The following THSD7B variants were observed in gnomAD, a reference collection of about 807,000 sequenced individuals.
THSD7B encodes thrombospondin type 1 domain containing 7B.
In THSD7B, 138 loss-of-function variants were observed where a neutral mutation model predicts 213.6. The observed-to-expected ratio is 0.65, with a 90% CI of 0.56 to 0.74. THSD7B has a LOEUF of 0.74. Ranked by LOEUF, THSD7B falls within the 30% of genes least tolerant of loss-of-function variation. The probability of loss-of-function intolerance (pLI) is 0.00; values close to 1 mark genes in which losing one functional copy is unlikely to be tolerated. For missense variants in THSD7B, 1,931 were observed against 1,991.5 expected (o/e 0.97, Z 0.58); for synonymous variants, 742 against 687.0 (o/e 1.08, Z -1.25).
At chr2:137,397,625 A>G (rs1686227045) in intron 12 of THSD7B, among the ~76,000 whole-genome samples, 1 of 150,156 alleles carries the variant, frequency 6.7e-6, no homozygotes, top group African/African-American at 2.4e-5. Flanking sequence ...ACTTTGGTGA[A>G]TCTGACAATT....
At chr2:137,208,094 G>A (rs1262994845) in intron 7 of THSD7B, among the ~76,000 whole-genome samples, 1 of 151,968 alleles carries the variant, frequency 6.6e-6, no homozygotes, top group African/African-American at 2.4e-5. Context: ...GGAAATTATC[G>A]CCAGACCAAC....
At chr2:136,996,518 A>AC (rs1553463273) in intron 2 of THSD7B, among the ~76,000 whole-genome samples, 2 of 151,764 alleles carry the variant, frequency 1.3e-5, no homozygotes, top group Non-Finnish European at 2.9e-5. Flanking sequence ...ATTAAAAAAA[A>AC]ATTATTTGTA....
chr2:137,411,867 G>T lies in THSD7B; in HGVS notation c.2954G>T (p.Ser985Ile), dbSNP rs577017519. The T allele has an allele frequency of 6.2e-7, 1 of 1,613,962 alleles. No individual in the cohort carries two copies. Among genetic ancestry groups the T allele is most frequent in the Admixed American group, 1.7e-5 (1 of 60,014 alleles). Residue 985 changes from serine (S) to isoleucine (I), a missense_variant, in exon 14 of 28, where the codon AGC becomes ATC. Coordinates refer to ENST00000409968, the MANE Select transcript of THSD7B (RefSeq NM_001316349.2). Reference sequence around the variant, plus strand: ...CCTGTTGACCCCTCCTTCTGCAGCAGCTCTGGTAAGGAGATGGATGGAGAG... The same window carrying T: ...CCTGTTGACCCCTCCTTCTGCAGCATCTCTGGTAAGGAGATGGATGGAGAG... ...GRPVDPSFCS[S>I]SGYIQEKCVI...
chr2:137,406,984 C>G (rs985741459), intron 13 of THSD7B, among the ~76,000 whole-genome samples: 1 of 152,080 alleles, frequency 6.6e-6, no homozygotes, highest in African/African-American at 2.4e-5. Context: ...ACAAACATAA[C>G]GCATCGGAAG....
chr2:136,999,868 T>C (rs1046528151), intron 2 of THSD7B, among the ~76,000 whole-genome samples: 1 of 152,208 alleles, frequency 6.6e-6, no homozygotes, highest in Non-Finnish European at 1.5e-5. Flanking sequence ...CATCCTGTGC[T>C]AACGTGTTCA....
chr2:136,825,562 T>C (rs909336535), intron 1 of THSD7B, among the ~76,000 whole-genome samples: 2 of 152,034 alleles, frequency 1.3e-5, no homozygotes, highest in African/African-American at 4.8e-5. Flanking sequence ...GATTCCTCTC[T>C]TTCTTTTTTT....
At chr2:137,675,945 C>G (rs904706061) in intron 27 of THSD7B, among the ~76,000 whole-genome samples, 5 of 152,192 alleles carry the variant, frequency 3.3e-5, no homozygotes, top group Non-Finnish European at 7.3e-5. Context: ...ATGTTGTTAA[C>G]TTAAGCTTTT....
chr2:136,871,256 A>G (rs967249465), intron 1 of THSD7B, among the ~76,000 whole-genome samples: 1 of 152,152 alleles, frequency 6.6e-6, no homozygotes, highest in Non-Finnish European at 1.5e-5. Context: ...CAGGTTGAAG[A>G]TAGGGGAATA....
At chr2:137,278,316 C>T (rs538351425) in intron 12 of THSD7B, among the ~76,000 whole-genome samples, 61 of 152,230 alleles carry the variant, frequency 4.0e-4, no homozygotes, top group African/African-American at 1.3e-3. Flanking sequence ...CATGATCTCT[C>T]ACCCAGAGTT....
intron 2 of THSD7B, among the ~76,000 whole-genome samples, chr2:137,040,399 C>CTTTTT (rs56018211): frequency 7.0e-6 from 1 of 142,630 alleles, no homozygotes; most frequent in Non-Finnish European, 1.5e-5. Flanking sequence ...TCTTCCTCTT[C>CTTTTT]TTTTTTTTTT....
At chr2:137,118,435 G>T (rs1320727419) in intron 5 of THSD7B, among the ~76,000 whole-genome samples, 1 of 152,058 alleles carries the variant, frequency 6.6e-6, no homozygotes, top group Non-Finnish European at 1.5e-5. Context: ...AATTTAAGTG[G>T]CATAGAAGTA....
chr2:136,868,955 A>T (rs1038467054), intron 1 of THSD7B, among the ~76,000 whole-genome samples: 1 of 152,174 alleles, frequency 6.6e-6, no homozygotes, highest in Non-Finnish European at 1.5e-5. Flanking sequence ...AAGGTTTTCA[A>T]ATGGAACGTA....
chr2:136,943,721 G>T (rs1684875093), intron 2 of THSD7B, among the ~76,000 whole-genome samples: 1 of 152,076 alleles, frequency 6.6e-6, no homozygotes, highest in South Asian at 2.1e-4. Flanking sequence ...TGGGATCAGT[G>T]GTGATTTCCC....
chr2:137,308,841 AC>A lies in THSD7B; in HGVS notation c.2500+32816del, dbSNP rs1367076520. Among the ~76,000 whole-genome samples the A allele has an allele frequency of 4.6e-5, 7 of 152,224 alleles. No homozygotes were observed. The East Asian group carries it at 1.3e-3, about 29-fold the overall frequency. On this transcript the variant is annotated intron_variant, in intron 12 of 27. Transcript: ENST00000409968. The stretch of plus-strand genomic sequence containing the variant: ...CACAACTGTTTTTTTCCTTGCTAAC[AC>A]TTTGCAGACATATCTTAAAGTCCTT...
At chr2:137,396,131 T>A (rs1365964642) in intron 12 of THSD7B, among the ~76,000 whole-genome samples, 1 of 147,598 alleles carries the variant, frequency 6.8e-6, no homozygotes, top group Non-Finnish European at 1.5e-5. Flanking sequence ...GATTCATTAA[T>A]TTTTTGAAGG....
At chr2:136,792,568 C>T (rs1558806657) in intron 1 of THSD7B, among the ~76,000 whole-genome samples, 1 of 152,000 alleles carries the variant, frequency 6.6e-6, no homozygotes, top group Admixed American at 6.6e-5. Context: ...GACAAATGTA[C>T]CACTGTGGGT....
intron 2 of THSD7B, among the ~76,000 whole-genome samples, chr2:136,940,476 T>C (rs939768471): frequency 2.0e-5 from 3 of 149,978 alleles, no homozygotes; most frequent in Admixed American, 1.3e-4. Context: ...GTCTTAAGTT[T>C]GATAATTTTT....
At chr2:137,628,813 C>G (rs1450585233) in intron 20 of THSD7B, among the ~76,000 whole-genome samples, 1 of 152,190 alleles carries the variant, frequency 6.6e-6, no homozygotes, top group Non-Finnish European at 1.5e-5. Flanking sequence ...CCTTGTACTG[C>G]CCCACTGTCT....
At chr2:137,433,777 A>G (rs1345562465) in intron 14 of THSD7B, among the ~76,000 whole-genome samples, 1 of 152,154 alleles carries the variant, frequency 6.6e-6, no homozygotes, top group Non-Finnish European at 1.5e-5. Flanking sequence ...TTTATATAAT[A>G]CCTATTGATG....
Sources: allele counts gnomAD v4.1 joint callset (sites outside exome capture counted in the v4.1 genomes callset), GRCh38; gene constraint gnomAD v4.1.1; transcripts MANE v1.5; gene names NCBI Gene and HGNC (gene_info 2026-07-23, HGNC 2026-07-21).